DAAM2: variants seen among roughly 807,000 people sequenced by gnomAD.
DAAM2 encodes dishevelled associated activator of morphogenesis 2.
A neutral mutation model predicts 120.7 loss-of-function variants in DAAM2; 39 were observed. That is an observed-to-expected ratio of 0.32 (90% CI 0.25 to 0.42). DAAM2 has a LOEUF of 0.42. DAAM2 is among the 10% of genes least tolerant of loss of function. DAAM2 has a pLI of 1.00. For missense variants in DAAM2, 1,283 were observed against 1,401.7 expected (o/e 0.92, Z 1.35); for synonymous variants, 488 against 524.9 (o/e 0.93, Z 0.96).
At chr6:39,865,213 C>A (rs1278231186) in intron 5 of DAAM2, 139 bp downstream of exon 5, 7 of 640,790 alleles carry the variant, frequency 1.1e-5, no homozygotes, top group Non-Finnish European at 2.0e-5. Flanking sequence ...CACTTCCCAG[C>A]CCCTACTCCT....
At chr6:39,822,946 C>T (rs1390791052) in intron 1 of DAAM2, 3 of 152,168 alleles carry the variant, frequency 2.0e-5, no homozygotes, top group African/African-American at 7.2e-5. Context: ...ATTGTTTTCT[C>T]CAAGGTCTGA....
intron 1 of DAAM2, among the ~76,000 whole-genome samples, chr6:39,816,425 T>G (rs1762311981): frequency 6.6e-6 from 1 of 152,206 alleles, no homozygotes; most frequent in Non-Finnish European, 1.5e-5. Context: ...GGGGGCTATC[T>G]TTTGTATATA....
intron 11 of DAAM2, among the ~76,000 whole-genome samples, chr6:39,876,722 T>TGC (rs1277549411): frequency 2.8e-5 from 3 of 106,890 alleles, no homozygotes; most frequent in East Asian, 4.1e-4. Flanking sequence ...TGTGTGTGTG[T>TGC]GTGTGTGCGT....
At chr6:39,858,250 T>C (rs1764083348) in intron 2 of DAAM2, among the ~76,000 whole-genome samples, 1 of 152,208 alleles carries the variant, frequency 6.6e-6, no homozygotes, top group Non-Finnish European at 1.5e-5. Flanking sequence ...TGAGGTGATC[T>C]GATCTGCTTT....
Position 39,802,005 on chromosome 6 carries a change from A to G in DAAM2, c.-57+9540A>G, listed in dbSNP as rs78258944. Among the ~76,000 whole-genome samples, 22 of 152,358 alleles carry G rather than the reference A, an allele frequency of 1.4e-4. 1 individual carries two copies. The East Asian group carries it at 4.2e-3, about 29-fold the overall frequency. Reference sequence around the variant, plus strand: ...AGAGTTTCTGTGGACTTTGGGCTGCAGAAGGATCAAGCTATTATAACACTC... The same window carrying G: ...AGAGTTTCTGTGGACTTTGGGCTGCGGAAGGATCAAGCTATTATAACACTC... On this transcript the variant is annotated intron_variant, in intron 1 of 24. Transcript: ENST00000274867.
intron 1 of DAAM2, among the ~76,000 whole-genome samples, chr6:39,795,904 A>C (rs2113979662): frequency 6.6e-6 from 1 of 151,632 alleles, no homozygotes; most frequent in South Asian, 2.1e-4. Flanking sequence ...AGGTTGTATA[A>C]GTATGGTGGG....
At chr6:39,819,209 C>G (rs893104344) in intron 1 of DAAM2, 1 of 152,292 alleles carries the variant, frequency 6.6e-6, no homozygotes, top group African/African-American at 2.4e-5. Flanking sequence ...TGGAGGGAAG[C>G]TGAGGACAAG....
At position 39,884,077 on chromosome 6, in the gene DAAM2, C is replaced by T; in HGVS notation, c.1953+8C>T. The T allele has an allele frequency of 6.7e-7, 1 of 1,487,730 alleles. No homozygotes were observed. The allele number at this position is 1,487,730 out of a possible 1,614,324, so 92.2% of individuals were successfully genotyped here. On this transcript the variant is annotated splice_region_variant and intron_variant, in intron 15 of 24. Transcript: ENST00000274867. ...GCCTACCAGAGGCACCAGGTAAGAC[C>T]CTATACCCTCTGGCCTCTTGGACCA...
At chr6:39,818,506 T>C (rs1466998153) in intron 1 of DAAM2, among the ~76,000 whole-genome samples, 1 of 152,206 alleles carries the variant, frequency 6.6e-6, no homozygotes, top group Non-Finnish European at 1.5e-5. Context: ...GCAGAAATAG[T>C]GTTAGACTTA....
chr6:39,854,673 C>A (rs1351065663), intron 1 of DAAM2, among the ~76,000 whole-genome samples: 3 of 152,176 alleles, frequency 2.0e-5, no homozygotes, highest in Admixed American at 1.3e-4. Flanking sequence ...TCACTAGGAA[C>A]AAATTATGCC....
At chr6:39,879,514 C>T in intron 14 of DAAM2, 37 bp downstream of exon 14, 1 of 1,613,818 alleles carries the variant, frequency 6.2e-7, no homozygotes, top group South Asian at 1.1e-5. Flanking sequence ...GCCCATTCTT[C>T]TACAGCAGGG....
chr6:39,888,834 A>AAGAATCGCAGCCTCCT, intron 17 of DAAM2, 71 bp downstream of exon 17: 1 of 1,182,006 alleles, frequency 8.5e-7, no homozygotes, highest in Non-Finnish European at 1.2e-6. Flanking sequence ...AACAGCCCCC[A>AAGAATCGCAGCCTCCT]GGAGGCTGCG....
At chr6:39,835,645 A>G (rs151322045) in intron 1 of DAAM2, among the ~76,000 whole-genome samples, 32 of 152,370 alleles carry the variant, frequency 2.1e-4, no homozygotes, top group African/African-American at 2.9e-4. Flanking sequence ...CTTGCCATCC[A>G]GTGAGATTCA....
Position 39,898,884 on chromosome 6 carries a change from G to C in DAAM2, c.2626G>C (p.Glu876Gln). 1 of 1,612,496 alleles carries C rather than the reference G, an allele frequency of 6.2e-7. No individual in the cohort carries two copies. The highest frequency in any genetic ancestry group is 1.1e-5 in the South Asian group (1 of 90,534). Reference protein sequence around the residue: ...LPEAAKVNLAELEKEVGNLRR... With the variant: ...LPEAAKVNLAQLEKEVGNLRR... ...CTCTGTGTCTCCTTACAGCCTAGCAGAACTGGAGAAGGAGGTGGGCAACCT... is the reference window on the plus strand; with the variant it reads ...CTCTGTGTCTCCTTACAGCCTAGCACAACTGGAGAAGGAGGTGGGCAACCT... The change falls in exon 22 of 25, where the codon GAA becomes CAA. Residue 876 changes from glutamate to glutamine, a missense_variant. Around this residue, in one of 3 missense-constraint regions of DAAM2, gnomAD observed 748 missense variants for 768.6 expected, o/e 0.97. Coordinates refer to ENST00000274867, the MANE Select transcript of DAAM2 (RefSeq NM_001201427.2).
chr6:39,815,651 T>TACACACACACACACACAC (rs56736428), intron 1 of DAAM2, among the ~76,000 whole-genome samples: 7 of 148,968 alleles, frequency 4.7e-5, no homozygotes, highest in African/African-American at 1.7e-4. Context: ...ACCCCTGGTT[T>TACACACACACACACACAC]ACACACACAC....
At chr6:39,890,651 T>G (rs1252556302) in intron 17 of DAAM2, among the ~76,000 whole-genome samples, 1 of 152,252 alleles carries the variant, frequency 6.6e-6, no homozygotes, top group Non-Finnish European at 1.5e-5. Flanking sequence ...TTCTCTATCT[T>G]AATCTGAATG....
intron 5 of DAAM2, among the ~76,000 whole-genome samples, chr6:39,867,122 TTGA>T (rs1562037989): frequency 6.6e-6 from 1 of 152,240 alleles, no homozygotes; most frequent in African/African-American, 2.4e-5. Context: ...ACGCCATGAC[TTGA>T]TGATTCTGAT....
At position 39,806,030 on chromosome 6, in the gene DAAM2, G is replaced by C. The variant is rs187738146; in HGVS notation, c.-57+13565G>C. ...AATAACATGTGGTCCTTACTCTCAAGCATTTCCAAACTAGTTGATCTATTT... is the reference window on the plus strand; with the variant it reads ...AATAACATGTGGTCCTTACTCTCAACCATTTCCAAACTAGTTGATCTATTT... On this transcript the variant is annotated intron_variant, in intron 1 of 24. Coordinates refer to ENST00000274867, the MANE Select transcript of DAAM2 (RefSeq NM_001201427.2). Among the ~76,000 whole-genome samples the C allele has an allele frequency of 1.5e-4, 23 of 152,224 alleles. No individual in the cohort carries two copies. In the East Asian group the frequency reaches 4.1e-3, roughly 27 times the overall value.
chr6:39,874,473 T>C (rs1764789273), intron 10 of DAAM2, among the ~76,000 whole-genome samples: 1 of 152,226 alleles, frequency 6.6e-6, no homozygotes, highest in African/African-American at 2.4e-5. Context: ...ACCTGACTTC[T>C]TGTGCTCCCA....
Sources: allele counts gnomAD v4.1 joint callset (sites outside exome capture counted in the v4.1 genomes callset), GRCh38; gene constraint gnomAD v4.1.1; regional missense constraint gnomAD v4.1.1; transcripts MANE v1.5; gene names NCBI Gene and HGNC (gene_info 2026-07-23, HGNC 2026-07-21).